LAMB3: variants seen among roughly 807,000 people sequenced by gnomAD.
The protein encoded by LAMB3 is laminin subunit beta-3.
A neutral mutation model predicts 140.3 loss-of-function variants in LAMB3; 104 were observed. The observed-to-expected ratio is 0.74, with a 90% CI of 0.63 to 0.87. The LOEUF (loss-of-function observed/expected upper bound fraction) is 0.87. Ranked by LOEUF, LAMB3 falls within the 40% of genes least tolerant of loss-of-function variation. The probability of loss-of-function intolerance (pLI) is 0.00; values close to 1 mark genes in which losing one functional copy is unlikely to be tolerated. For missense variants in LAMB3, 1,531 were observed against 1,575.2 expected (o/e 0.97, Z 0.47); for synonymous variants, 592 against 602.9 (o/e 0.98, Z 0.26).
At chr1:209,640,925 C>CA (rs890815178) in intron 3 of LAMB3, among the ~76,000 whole-genome samples, 8 of 150,628 alleles carry the variant, frequency 5.3e-5, no homozygotes, top group Non-Finnish European at 7.4e-5. Flanking sequence ...ACTAAAAATA[C>CA]AAAAAAAATT....
chr1:209,642,612 A>G (rs928360473), intron 3 of LAMB3, among the ~76,000 whole-genome samples: 8 of 151,984 alleles, frequency 5.3e-5, no homozygotes, highest in African/African-American at 1.9e-4. Flanking sequence ...CCGAGTAGCT[A>G]GGATTACAGG....
intron 20 of LAMB3, 37 bp from the exon 21 acceptor site, chr1:209,617,623 GTC>G (rs1666020688): frequency 6.2e-7 from 1 of 1,609,590 alleles, no homozygotes; most frequent in Non-Finnish European, 8.5e-7. Flanking sequence ...TTTGTGGTGG[GTC>G]TCATAGGTCG....
chr1:209,617,361 A>G (rs748314647), intron 21 of LAMB3, 49 bp downstream of exon 21: 1 of 1,579,002 alleles, frequency 6.3e-7, no homozygotes, highest in South Asian at 1.1e-5. Flanking sequence ...TCTGCTCAGG[A>G]CCCCCTCACT....
rs1262754008 is a variant in LAMB3, at chr1:209,615,094, G to A, written c.*177C>T. 2 of 674,768 alleles carry A rather than the reference G, an allele frequency of 3.0e-6. No homozygotes were observed. Among genetic ancestry groups the A allele is most frequent in the Admixed American group, 2.6e-5 (1 of 38,670 alleles). The allele number at this position is 674,768 out of a possible 1,614,324, so 41.8% of individuals were successfully genotyped here. ...GTCTGTCAAGTGTAACTGTCCCATT[G>A]GCTCAGGCTCAGCTGCAGCTCAGGG... On this transcript the variant is annotated 3_prime_UTR_variant, in exon 23 of 23. Transcript: ENST00000356082.
Position 209,634,414 on chromosome 1 carries a change from C to A in LAMB3, c.564+33G>T, listed in dbSNP as rs189149892. The stretch of plus-strand genomic sequence containing the variant: ...ACAGTGGGACATCAGGGATTTCTCC[C>A]CAGGCCTACTTTTCAGGATTCCCTC... On this transcript the variant is annotated intron_variant, in intron 6 of 22. Coordinates refer to ENST00000356082, the MANE Select transcript of LAMB3 (RefSeq NM_000228.3). 1.1e-4 allele frequency: 176 copies of A among 1,604,648 alleles called. No homozygotes were observed. In the African/African-American group the frequency reaches 1.8e-3, roughly 17 times the overall value.
chr1:209,626,811 C>T, intron 13 of LAMB3, 56 bp downstream of exon 13: 2 of 1,321,502 alleles, frequency 1.5e-6, no homozygotes, highest in Middle Eastern at 4.0e-4. Flanking sequence ...CACCATGTGC[C>T]CACCCGCGTG....
intron 13 of LAMB3, among the ~76,000 whole-genome samples, chr1:209,626,397 C>T (rs1666455491): frequency 6.6e-6 from 1 of 152,182 alleles, no homozygotes; most frequent in Non-Finnish European, 1.5e-5. Flanking sequence ...GGAAGCAGCT[C>T]CCTCAAAGTC....
At position 209,623,645 on chromosome 1, in the gene LAMB3, C is replaced by G. The variant is rs765400469; in HGVS notation, c.2218G>C (p.Asp740His). ...QQVSDSSRLL[D>H]QLRDSRREAE... ...TCTCTCCGGCTGTCCCTGAGCTGGT[C>G]CAAAAGGCGCGAGCTGTCGGAGACC... The change falls in exon 16 of 23, where the codon GAC becomes CAC. Residue 740 changes from aspartate to histidine, a missense_variant. By Grantham distance (81) the Asp-to-His change is moderately conservative. Coordinates refer to ENST00000356082, the MANE Select transcript of LAMB3 (RefSeq NM_000228.3). This position sits in a 1 kb window ranked among gnomAD's most constrained non-coding sequence, Gnocchi z 4.2. The G allele has an allele frequency of 6.2e-7, 1 of 1,614,228 alleles. No homozygotes were observed. The highest frequency in any genetic ancestry group is 8.5e-7 in the Non-Finnish European group (1 of 1,180,038).
intron 3 of LAMB3, among the ~76,000 whole-genome samples, chr1:209,644,140 A>T (rs2102456088): frequency 6.6e-6 from 1 of 152,330 alleles, no homozygotes; most frequent in African/African-American, 2.4e-5. Flanking sequence ...AAGCCTCAGC[A>T]TTTCTATGTC....
chr1:209,633,187 G>A (rs1666760736), intron 6 of LAMB3, 54 bp from the exon 7 acceptor site: 4 of 1,293,558 alleles, frequency 3.1e-6, no homozygotes, highest in Admixed American at 1.7e-5. Flanking sequence ...AGTGTGCCCC[G>A]AGTTCAGAAG....
In LAMB3 at chr1:209,625,946, T is replaced by C. The variant is rs1571810857; in HGVS notation, c.1678A>G (p.Thr560Ala). ...TGGCACTGGTCACAGCGGGGCCCGG[T>C]CAAGCCAGGGCGGCAGAGGCAGCGG... ...SGRCLCRPGL[T>A]GPRCDQCQRG... Residue 560 changes from threonine to alanine, a missense_variant, in exon 14 of 23, where the codon ACC becomes GCC. Physicochemically the swap from Thr to Ala is moderately conservative, Grantham distance 58 (BLOSUM62 0). Coordinates refer to ENST00000356082, the MANE Select transcript of LAMB3 (RefSeq NM_000228.3). 1 of 1,613,670 alleles carries C rather than the reference T, an allele frequency of 6.2e-7. No individual in the cohort carries two copies. Among genetic ancestry groups the C allele is most frequent in the African/African-American group, 1.3e-5 (1 of 74,916 alleles).
At position 209,625,842 on chromosome 1, in the gene LAMB3, C is replaced by G. The variant is rs766320452; in HGVS notation, c.1782G>C (p.Glu594Asp). 1 of 1,614,114 alleles carries G rather than the reference C, an allele frequency of 6.2e-7. No homozygotes were observed. Among genetic ancestry groups the G allele is most frequent in the Non-Finnish European group, 8.5e-7 (1 of 1,180,008 alleles). ...CFQTYDADLR[E>D]QALRFGRLRN... ...GGAGTCTACCAAAGCGCAGGGCCTGCTCCCGGAGGTCCGCATCATAGGTCT... is the reference window on the plus strand; with the variant it reads ...GGAGTCTACCAAAGCGCAGGGCCTGGTCCCGGAGGTCCGCATCATAGGTCT... The change falls in exon 14 of 23, where the codon GAG becomes GAC. Residue 594 changes from glutamate to aspartate, a missense_variant. Glu to Asp is a conservative substitution (Grantham distance 45). Transcript: ENST00000356082.
At position 209,634,375 on chromosome 1, in the gene LAMB3, G is replaced by A. The variant is rs544059931; in HGVS notation, c.564+72C>T. 184 of 1,475,530 alleles carry A rather than the reference G, an allele frequency of 1.2e-4. 2 individuals carry two copies. In the East Asian group the frequency reaches 2.2e-3, roughly 18 times the overall value. 91.4% of individuals were successfully genotyped at this position (1,475,530 alleles called of 1,614,324 possible). On this transcript the variant is annotated intron_variant, in intron 6 of 22. Transcript: ENST00000356082. The stretch of plus-strand genomic sequence containing the variant: ...TGTTTCCGTCCCTTCTCAGGAGTCC[G>A]TGTGGCTGTGTGAACAGTGGGACAT...
intron 5 of LAMB3, 42 bp from the exon 6 acceptor site, chr1:209,634,680 C>T (rs1666832030): frequency 1.3e-6 from 2 of 1,533,250 alleles, no homozygotes; most frequent in Admixed American, 1.8e-5. Flanking sequence ...GGCACTGGGG[C>T]TGTGCCCCGT....
At chr1:209,625,548 C>G in intron 14 of LAMB3, 100 bp downstream of exon 14, 1 of 1,428,282 alleles carries the variant, frequency 7.0e-7, no homozygotes, top group Non-Finnish European at 9.9e-7. Flanking sequence ...TGCCTTTAAA[C>G]TGTAATGCAC....
intron 3 of LAMB3, among the ~76,000 whole-genome samples, chr1:209,644,956 C>T (rs2076503063): frequency 6.6e-6 from 1 of 152,154 alleles, no homozygotes; most frequent in African/African-American, 2.4e-5. Flanking sequence ...GGCCTGGACC[C>T]CAGAAGCAAT....
intron 12 of LAMB3, among the ~76,000 whole-genome samples, 174 bp from the exon 13 acceptor site, chr1:209,627,152 T>A (rs769186795): frequency 6.6e-6 from 1 of 152,106 alleles, no homozygotes; most frequent in Non-Finnish European, 1.5e-5. Context: ...AGCCTTGAAG[T>A]CAAGGCCCAG....
chr1:209,651,393 G>T, intron 1 of LAMB3: 1 of 214,228 alleles, frequency 4.7e-6, no homozygotes, highest in Non-Finnish European at 9.7e-6. Context: ...CTTTTCTCAG[G>T]GCCTAGACCA....
chr1:209,632,887 C>T, intron 7 of LAMB3, 111 bp from the exon 8 acceptor site: 1 of 1,141,738 alleles, frequency 8.8e-7, no homozygotes, highest in Non-Finnish European at 1.3e-6. Context: ...CCATCCTCTC[C>T]AGACCTCAAC....
Sources: gnomAD v4.1 joint callset for allele counts (sites outside exome capture counted in the v4.1 genomes callset) on GRCh38, gnomAD v4.1.1 for gene constraint, Gnocchi (gnomAD v3.1) non-coding constraint, MANE v1.5 for transcripts, NCBI Gene and HGNC (gene_info 2026-07-23, HGNC 2026-07-21) for gene names.